The following GIT2 variants were observed in gnomAD, a reference collection of about 807,000 sequenced individuals.
GIT2 encodes the protein ARF GTPase-activating protein GIT2.
A neutral mutation model predicts 100.3 loss-of-function variants in GIT2; 32 were observed. That is an observed-to-expected ratio of 0.32 (90% CI 0.24 to 0.43). GIT2 has a LOEUF of 0.43. Among genes scored for constraint, GIT2 ranks in the 20% least tolerant of loss-of-function variants. The pLI is 1.00. For missense variants in GIT2, 737 were observed against 975.1 expected, an observed-to-expected ratio of 0.76 and a Z score of 3.25; for synonymous variants, 353 against 364.1, an observed-to-expected ratio of 0.97 and a Z score of 0.35.
chr12:109,938,713 G>A (rs1200608708), intron 17 of GIT2, 145 bp from the exon 18 acceptor site: 6 of 583,218 alleles, frequency 1.0e-5, no homozygotes, highest in Non-Finnish European at 1.8e-5. Flanking sequence ...GGAGACTCAT[G>A]GTAAGGCTCT....
At chr12:109,941,263 G>GA (rs1874602104) in intron 16 of GIT2, among the ~76,000 whole-genome samples, 1 of 152,156 alleles carries the variant, frequency 6.6e-6, no homozygotes, top group South Asian at 2.1e-4. Context: ...AGCCATATGG[G>GA]GAGTCTGTAA....
intron 18 of GIT2, among the ~76,000 whole-genome samples, chr12:109,936,665 C>T (rs1304234093): frequency 4.6e-5 from 7 of 152,018 alleles, no homozygotes; most frequent in African/African-American, 9.7e-5. Context: ...ATCAGGAGTT[C>T]GAGACCAGCC....
Position 109,991,610 on chromosome 12 carries a change from G to T in GIT2, c.186+17C>A. 1 of 1,598,424 alleles carries T rather than the reference G, an allele frequency of 6.3e-7. No homozygotes were observed. The highest frequency in any genetic ancestry group is 8.6e-7 in the Non-Finnish European group (1 of 1,168,256). ...AAATGTAAATTACCAACTGTCAGGA[G>T]AATTCTTATCCTTTACCTGAAGCAG... On this transcript the variant is annotated intron_variant, in intron 2 of 19. Coordinates refer to ENST00000355312, the MANE Select transcript of GIT2 (RefSeq NM_057169.5).
At chr12:109,976,069 G>C (rs1884958084) in intron 7 of GIT2, among the ~76,000 whole-genome samples, 1 of 150,440 alleles carries the variant, frequency 6.6e-6, no homozygotes, top group Non-Finnish European at 1.5e-5. Flanking sequence ...TGCCTGGCTT[G>C]TAGTCTTCTT....
At chr12:109,989,624 T>G in intron 3 of GIT2, 66 bp downstream of exon 3, 1 of 903,778 alleles carries the variant, frequency 1.1e-6, no homozygotes. Flanking sequence ...CAAAAATAGC[T>G]GCACTCCTTT....
At chr12:109,971,470 C>T (rs1456189443) in intron 7 of GIT2, among the ~76,000 whole-genome samples, 4 of 151,740 alleles carry the variant, frequency 2.6e-5, no homozygotes, top group Admixed American at 6.6e-5. Flanking sequence ...GGACTACAGG[C>T]GCCCACCACC....
intron 13 of GIT2, among the ~76,000 whole-genome samples, chr12:109,952,179 C>T (rs1878064406): frequency 1.3e-5 from 2 of 152,214 alleles, no homozygotes; most frequent in South Asian, 2.1e-4. Context: ...TGTCTCCCCA[C>T]TTCAACCTTC....
intron 16 of GIT2, 27 bp downstream of exon 16, chr12:109,945,233 G>A (rs1875990316): frequency 8.8e-7 from 1 of 1,138,286 alleles, no homozygotes; most frequent in Non-Finnish European, 1.3e-6. Context: ...CTCCTCCAGA[G>A]AGCAGACCAT....
chr12:109,939,326 G>A lies in GIT2; in HGVS notation c.1732-79C>T, dbSNP rs998973536. 4.8e-6 allele frequency: 4 copies of A among 832,976 alleles called. No homozygotes were observed. The African/African-American group carries it at 6.7e-5, about 14-fold the overall frequency. 51.6% of individuals were successfully genotyped at this position (832,976 alleles called of 1,614,324 possible). ...GAGTCTTCCCCAGGAATTGTTACCT[G>A]TTAGGCTACTGGCCTTCACATCCCA... On this transcript the variant is annotated intron_variant, in intron 16 of 19. Coordinates refer to ENST00000355312, the MANE Select transcript of GIT2 (RefSeq NM_057169.5).
chr12:109,938,679 T>A (rs963879692), intron 17 of GIT2, 111 bp from the exon 18 acceptor site: 13 of 725,296 alleles, frequency 1.8e-5, no homozygotes, highest in Non-Finnish European at 2.5e-5. Context: ...GCTGGTCTCG[T>A]CATTTCCTTT....
At chr12:109,944,294 GC>G (rs1481039801) in intron 16 of GIT2, among the ~76,000 whole-genome samples, 1 of 152,196 alleles carries the variant, frequency 6.6e-6, no homozygotes, top group East Asian at 1.9e-4. Context: ...AATGGCAAAG[GC>G]CCAGTGCAAA....
At chr12:109,971,794 A>G (rs1375561409) in intron 7 of GIT2, among the ~76,000 whole-genome samples, 1 of 151,806 alleles carries the variant, frequency 6.6e-6, no homozygotes, top group Admixed American at 6.6e-5. Flanking sequence ...GGAGTTCCAG[A>G]GCAGCCTGGC....
At position 109,938,464 on chromosome 12, in the gene GIT2, G is replaced by A. The variant is rs373438493; in HGVS notation, c.1919C>T (p.Thr640Ile). Residue 640 changes from threonine to isoleucine, a missense_variant, in exon 18 of 20, where the codon ACC (threonine) becomes ATC (isoleucine). Around this residue, in one of 3 missense-constraint regions of GIT2, gnomAD observed 451 missense variants for 543.7 expected, o/e 0.83. Transcript: ENST00000355312. ...TTCAGTCTTCCTGATGACATCTTCGGTGCTAGGGAGAGTGGGGCTTGGGGC... is the reference window on the plus strand; with the variant it reads ...TTCAGTCTTCCTGATGACATCTTCGATGCTAGGGAGAGTGGGGCTTGGGGC... ...HVAPSPTLPS[T>I]EDVIRKTEQI... 1.8e-5 allele frequency: 29 copies of A among 1,613,736 alleles called. No individual in the cohort carries two copies. Among genetic ancestry groups the A allele is most frequent in the African/African-American group, 4.0e-5 (3 of 74,882 alleles).
chr12:109,993,297 C>T (rs1472687692), intron 1 of GIT2, among the ~76,000 whole-genome samples: 1 of 152,162 alleles, frequency 6.6e-6, no homozygotes, highest in Non-Finnish European at 1.5e-5. Flanking sequence ...GCTGCCTGGT[C>T]AAAGGGTTAC....
chr12:109,985,322 C>T (rs991173129), intron 4 of GIT2, among the ~76,000 whole-genome samples: 2 of 151,912 alleles, frequency 1.3e-5, no homozygotes, highest in African/African-American at 4.8e-5. Flanking sequence ...CAACACATAC[C>T]AAGTCTTATT....
At chr12:109,945,134 AGGAAGTGCTGCCTCATGCAGGAC>A in intron 16 of GIT2, 103 bp downstream of exon 16, 1 of 638,214 alleles carries the variant, frequency 1.6e-6, no homozygotes, top group South Asian at 1.7e-5. Flanking sequence ...AGAAACCAGG[AGGAAGTGCTGCCTCATGCAGGAC>A]GGAAGGGCAG....
chr12:109,930,443 A>G lies in GIT2; in HGVS notation c.*2535T>C, dbSNP rs1401442643. 1 of 152,830 alleles carries G rather than the reference A, an allele frequency of 6.5e-6. No homozygotes were observed. The highest frequency in any genetic ancestry group is 2.4e-5 in the African/African-American group (1 of 41,478). The allele number at this position is 152,830 out of a possible 1,614,324, so 9.5% of individuals were successfully genotyped here. ...AGTGCAAGGTACGGAATCCATGTGC[A>G]AAAGGTGGCTGGAACAAATGTTCAG... On this transcript the variant is annotated 3_prime_UTR_variant, in exon 20 of 20. Transcript: ENST00000355312.
intron 4 of GIT2, 91 bp downstream of exon 4, chr12:109,988,867 AAAAAG>A: frequency 1.6e-6 from 1 of 617,100 alleles, no homozygotes; most frequent in South Asian, 2.0e-5. Flanking sequence ...AAAAAAAAAA[AAAAAG>A]CCCACAACCA....
rs778727726 is a variant in GIT2 at position 109,951,328 on chromosome 12, T to C, written c.1243-12A>G. 6 of 1,600,666 alleles carry C rather than the reference T, an allele frequency of 3.7e-6. No homozygotes were observed. Among genetic ancestry groups the C allele is most frequent in the East Asian group, 2.2e-5 (1 of 44,806 alleles). Reference sequence around the variant, plus strand: ...TCTGAATCTAGGCTCTAAAAATAAATTGGGAAAACGTTCACAATCTGAGAT... The same window carrying C: ...TCTGAATCTAGGCTCTAAAAATAAACTGGGAAAACGTTCACAATCTGAGAT... On this transcript the variant is annotated splice_polypyrimidine_tract_variant and intron_variant, in intron 13 of 19. Transcript: ENST00000355312.
Sources: gnomAD v4.1 joint callset for allele counts (sites outside exome capture counted in the v4.1 genomes callset) on GRCh38, gnomAD v4.1.1 for gene constraint, gnomAD v4.1.1 regional missense constraint, MANE v1.5 for transcripts, NCBI Gene and HGNC (gene_info 2026-07-23, HGNC 2026-07-21) for gene names.